The following KATNAL1 variants were observed in gnomAD, a reference collection of about 807,000 sequenced individuals.
KATNAL1 encodes katanin p60 ATPase-containing subunit A-like 1.
Under a neutral mutation model 55.2 loss-of-function variants are expected in KATNAL1, and 32 were observed. The observed-to-expected ratio is 0.58, with a 90% CI of 0.44 to 0.78. The LOEUF (loss-of-function observed/expected upper bound fraction) is 0.78. KATNAL1 is among the 30% of genes least tolerant of loss of function. The probability of loss-of-function intolerance (pLI) is 0.00; values close to 1 mark genes in which losing one functional copy is unlikely to be tolerated. For missense variants in KATNAL1, 466 were observed against 600.9 expected (o/e 0.78, Z 2.35); for synonymous variants, 193 against 193.6 (o/e 1.00, Z 0.02).
intron 4 of KATNAL1, among the ~76,000 whole-genome samples, chr13:30,242,480 C>T (rs1455757962): frequency 1.3e-5 from 2 of 152,162 alleles, no homozygotes; most frequent in African/African-American, 2.4e-5. Context: ...CTGCCCTCAT[C>T]AAGCATCTAG....
intron 1 of KATNAL1, among the ~76,000 whole-genome samples, chr13:30,298,076 G>A (rs186826575): frequency 1.3e-4 from 20 of 152,302 alleles, no homozygotes; most frequent in African/African-American, 4.8e-4. Context: ...TAGACGTAAT[G>A]TTATTGCACA....
chr13:30,230,344 C>T (rs1480416136), intron 8 of KATNAL1, 124 bp downstream of exon 8: 1 of 809,558 alleles, frequency 1.2e-6, no homozygotes, highest in African/African-American at 1.8e-5. Flanking sequence ...AACAAATGAA[C>T]AAATAAATGG....
intron 6 of KATNAL1, among the ~76,000 whole-genome samples, chr13:30,238,109 A>T (rs903844530): frequency 6.6e-6 from 1 of 152,140 alleles, no homozygotes; most frequent in African/African-American, 2.4e-5. Context: ...CACTAATTTA[A>T]CTATGCTACC....
At chr13:30,210,560 T>C in intron 9 of KATNAL1, 118 bp from the exon 10 acceptor site, 6 of 738,190 alleles carry the variant, frequency 8.1e-6, no homozygotes, top group Non-Finnish European at 1.3e-5. Flanking sequence ...AGTCAATAAC[T>C]GTGTGTCCAT....
chr13:30,269,134 C>T (rs976374160), intron 3 of KATNAL1, among the ~76,000 whole-genome samples: 2 of 152,200 alleles, frequency 1.3e-5, no homozygotes, highest in Non-Finnish European at 2.9e-5. Flanking sequence ...GATGCCGAGC[C>T]GAAGCTGGAC....
Position 30,203,003 on chromosome 13 carries a change from G to C in KATNAL1, c.*5537C>G, listed in dbSNP as rs765721573. 2 of 152,078 alleles carry C rather than the reference G, an allele frequency of 1.3e-5. No individual in the cohort carries two copies. Among genetic ancestry groups the C allele is most frequent in the South Asian group, 4.1e-4 (2 of 4,826 alleles). The allele number at this position is 152,078 out of a possible 1,614,324, so 9.4% of individuals were successfully genotyped here. A position where few individuals can be genotyped will look rare whatever the true frequency, so the allele number is the denominator to read the frequency against. ...TGTGTGTTTTCATAAAGTTACTCAGGTTTTTAGAGAATGAACATAGGAACA... is the reference window on the plus strand; with the variant it reads ...TGTGTGTTTTCATAAAGTTACTCAGCTTTTTAGAGAATGAACATAGGAACA... On this transcript the variant is annotated 3_prime_UTR_variant, in exon 11 of 11. Coordinates refer to ENST00000380615, the MANE Select transcript of KATNAL1 (RefSeq NM_032116.5).
intron 1 of KATNAL1, among the ~76,000 whole-genome samples, chr13:30,299,745 G>A (rs1215157574): frequency 6.6e-6 from 1 of 152,142 alleles, no homozygotes; most frequent in African/African-American, 2.4e-5. Flanking sequence ...ACCCAGCAAA[G>A]TTGCCCTATA....
Position 30,257,363 on chromosome 13 carries a change from G to A in KATNAL1, c.324-1748C>T, listed in dbSNP as rs1348159328. ...GCATCAAGTTTGCTCTTTTGTAAGCGGCTTCACCTGCTATTTAAATAGTCT... is the reference window on the plus strand; with the variant it reads ...GCATCAAGTTTGCTCTTTTGTAAGCAGCTTCACCTGCTATTTAAATAGTCT... On this transcript the variant is annotated intron_variant, in intron 3 of 10. Coordinates refer to ENST00000380615, the MANE Select transcript of KATNAL1 (RefSeq NM_032116.5). 7.2e-5 allele frequency among the ~76,000 whole-genome samples: 11 copies of A among 152,188 alleles called. No individual in the cohort carries two copies. In the South Asian group the frequency reaches 8.3e-4, roughly 11 times the overall value.
At chr13:30,223,376 A>G (rs1875104267) in intron 9 of KATNAL1, among the ~76,000 whole-genome samples, 1 of 138,832 alleles carries the variant, frequency 7.2e-6, no homozygotes, top group African/African-American at 2.6e-5. Context: ...TGGGAGGCAG[A>G]GCTTGCAGTG....
intron 4 of KATNAL1, among the ~76,000 whole-genome samples, chr13:30,252,469 G>GT (rs1187114004): frequency 2.0e-5 from 3 of 152,146 alleles, no homozygotes; most frequent in African/African-American, 7.2e-5. Flanking sequence ...CATAGTTAGA[G>GT]TGCTGCAGCA....
intron 6 of KATNAL1, among the ~76,000 whole-genome samples, chr13:30,238,780 T>G (rs1876951950): frequency 6.6e-6 from 1 of 152,218 alleles, no homozygotes. Flanking sequence ...GCTCAGGGAC[T>G]ATGTCTTGAA....
intron 9 of KATNAL1, among the ~76,000 whole-genome samples, chr13:30,215,324 A>T (rs1034919503): frequency 6.6e-6 from 1 of 152,276 alleles, no homozygotes; most frequent in East Asian, 1.9e-4. Context: ...TACACTGTTG[A>T]TGGGACCGTA....
intron 3 of KATNAL1, among the ~76,000 whole-genome samples, chr13:30,274,905 GCGCA>G (rs778059582): frequency 0.039 from 3,242 of 84,182 alleles, 74 homozygotes; most frequent in African/African-American, 0.071. Context: ...GCGCGCGCGC[GCGCA>G]CACACACACA....
chr13:30,227,447 C>CT lies in KATNAL1; in HGVS notation c.1111dup (p.Arg371LysfsTer18). On this transcript the variant is annotated frameshift_variant, in exon 9 of 11. Coordinates refer to ENST00000380615, the MANE Select transcript of KATNAL1 (RefSeq NM_032116.5). LOFTEE classifies it high-confidence loss of function. ...AGGTATATATATCCTTTTTTCTAAC[C>CT]TTCTTCGCAAAGCTTCATCAATGTC... 2 of 1,613,676 alleles carry CT rather than the reference C, an allele frequency of 1.2e-6. No homozygotes were observed. The highest frequency in any genetic ancestry group is 1.7e-6 in the Non-Finnish European group (2 of 1,179,816).
intron 2 of KATNAL1, among the ~76,000 whole-genome samples, chr13:30,282,146 G>A (rs1010699383): frequency 2.7e-5 from 4 of 148,334 alleles, no homozygotes; most frequent in Admixed American, 2.0e-4. Flanking sequence ...TTTAAAAAAC[G>A]GTAAGTAGGC....
At position 30,239,682 on chromosome 13, in the gene KATNAL1, GTGATT is replaced by G. The variant is rs1380865727; in HGVS notation, c.726+773_726+777del. Among the ~76,000 whole-genome samples the G allele has an allele frequency of 4.8e-3, 578 of 121,606 alleles. 3 individuals are homozygous for G. The highest frequency in any genetic ancestry group is 0.025 in the Middle Eastern group (5 of 200). 79.8% of individuals were successfully genotyped at this position (121,606 alleles called of 152,430 possible). On this transcript the variant is annotated intron_variant, in intron 6 of 10. Coordinates refer to ENST00000380615, the MANE Select transcript of KATNAL1 (RefSeq NM_032116.5). Reference sequence around the variant, plus strand: ...TCAGATATTTTGTAATGATACAGAAGTGATTTTTTTTTTTTTTTTTTTGAGATGGA... The same window carrying G: ...TCAGATATTTTGTAATGATACAGAAGTTTTTTTTTTTTTTTTTGAGATGGA...
chr13:30,275,896 T>G (rs7338345), intron 3 of KATNAL1, among the ~76,000 whole-genome samples: 45,009 of 152,052 alleles, frequency 0.3, 7,008 homozygotes, highest in Admixed American at 0.42. Flanking sequence ...CATATTTATT[T>G]TTTAAGCTAA....
intron 1 of KATNAL1, among the ~76,000 whole-genome samples, chr13:30,285,166 A>G (rs1369120521): frequency 6.6e-6 from 1 of 152,218 alleles, no homozygotes; most frequent in African/African-American, 2.4e-5. Flanking sequence ...CACATTTTTA[A>G]AAACAAATGT....
chr13:30,236,875 AC>A (rs1324494873), intron 6 of KATNAL1, among the ~76,000 whole-genome samples: 1 of 152,162 alleles, frequency 6.6e-6, no homozygotes, highest in Non-Finnish European at 1.5e-5. Context: ...ATGTGTTTGT[AC>A]CTGATATCCA....
Sources: gnomAD v4.1 joint callset for allele counts (sites outside exome capture counted in the v4.1 genomes callset) on GRCh38, gnomAD v4.1.1 for gene constraint, MANE v1.5 for transcripts, NCBI Gene and HGNC (gene_info 2026-07-23, HGNC 2026-07-21) for gene names.